Variants in EIF2AK1 observed in about 807,000 individuals in gnomAD.
EIF2AK1 encodes eukaryotic translation initiation factor 2 alpha kinase 1.
A neutral mutation model predicts 77.9 loss-of-function variants in EIF2AK1; 54 were observed. The ratio of observed to expected loss-of-function variants is 0.69; its 90% CI spans 0.56 to 0.87. The LOEUF is 0.87. Among genes scored for constraint, EIF2AK1 ranks in the 40% least tolerant of loss-of-function variants. The pLI, the probability that EIF2AK1 is intolerant of heterozygous loss-of-function variation, is 0.00. For synonymous variants in EIF2AK1, 314 were observed against 290.5 expected (o/e 1.08, Z -0.82); for missense variants, 810 against 768.6 (o/e 1.05, Z -0.64).
intron 11 of EIF2AK1, among the ~76,000 whole-genome samples, chr7:6,034,044 G>A (rs998226560): frequency 5.3e-5 from 8 of 151,368 alleles, no homozygotes; most frequent in South Asian, 2.1e-4. Context: ...TAGGCCGGGC[G>A]CGGTGGCTCA....
intron 4 of EIF2AK1, chr7:6,047,769 C>CACAGGTGTGATCCTGCTACTG (rs1352443398): frequency 5.8e-5 from 9 of 154,064 alleles, no homozygotes; most frequent in Non-Finnish European, 1.0e-4. Flanking sequence ...AGTGGCTATT[C>CACAGGTGTGATCCTGCTACTG]ACAGGTGTGA....
At chr7:6,056,941 G>A (rs1473354898) in intron 1 of EIF2AK1, among the ~76,000 whole-genome samples, 1 of 151,780 alleles carries the variant, frequency 6.6e-6, no homozygotes, top group Admixed American at 6.6e-5. Flanking sequence ...ATTTTCTTCT[G>A]TTAATAGCCT....
intron 1 of EIF2AK1, among the ~76,000 whole-genome samples, chr7:6,056,378 A>G (rs1788761518): frequency 6.7e-6 from 1 of 149,926 alleles, no homozygotes; most frequent in African/African-American, 2.5e-5. Flanking sequence ...CTGTATCACA[A>G]GGTCAGGAGT....
intron 4 of EIF2AK1, among the ~76,000 whole-genome samples, chr7:6,048,405 G>A (rs1006493325): frequency 6.6e-6 from 1 of 152,284 alleles, no homozygotes; most frequent in African/African-American, 2.4e-5. Flanking sequence ...GCATGAATCC[G>A]TACTTCATTC....
Position 6,032,814 on chromosome 7 carries a change from A to T in EIF2AK1, c.1333-3782T>A. 6.5e-7 allele frequency: 1 copy of T among 1,530,114 alleles called. No homozygotes were observed. The highest frequency in any genetic ancestry group is 8.9e-7 in the Non-Finnish European group (1 of 1,128,584). 94.8% of individuals were successfully genotyped at this position (1,530,114 alleles called of 1,614,324 possible). A position where few individuals can be genotyped will look rare whatever the true frequency, so the allele number is the denominator to read the frequency against. ...TTTTTAACTACACAGGGCCACTTGT[A>T]ATGTGTTTTGTTTTCCCTCCAAAGC... On this transcript the variant is annotated intron_variant, in intron 11 of 14. Coordinates refer to ENST00000199389, the MANE Select transcript of EIF2AK1 (RefSeq NM_014413.4). This position sits in a 1 kb window ranked among gnomAD's most constrained non-coding sequence, Gnocchi z 4.3.
intron 8 of EIF2AK1, among the ~76,000 whole-genome samples, chr7:6,042,544 C>T (rs1788328258): frequency 6.6e-6 from 1 of 151,708 alleles, no homozygotes; most frequent in African/African-American, 2.4e-5. Context: ...AAACACTCCT[C>T]CTGAGCTCCT....
Position 6,023,106 on chromosome 7 carries a change from T to A in EIF2AK1, c.*1567A>T. The A allele has an allele frequency of 1.6e-6, 1 of 623,444 alleles. No homozygotes were observed. The highest frequency in any genetic ancestry group is 2.6e-6 in the Non-Finnish European group (1 of 381,018). The allele number at this position is 623,444 out of a possible 1,614,324, so 38.6% of individuals were successfully genotyped here. A position where few individuals can be genotyped will look rare whatever the true frequency, so the allele number is the denominator to read the frequency against. ...CCAGGAATGACTCTTTGGTTACTTT[T>A]TTAACATAGTTTGCACTTAAACCCT... On this transcript the variant is annotated 3_prime_UTR_variant, in exon 15 of 15. Transcript: ENST00000199389.
intron 1 of EIF2AK1, 140 bp downstream of exon 1, chr7:6,058,826 C>A (rs1254747283): frequency 1.5e-6 from 1 of 669,376 alleles, no homozygotes; most frequent in Non-Finnish European, 2.3e-6. Context: ...CCTCGCACTG[C>A]GCGGCTGGGC....
rs1196017332 is a variant in EIF2AK1, at chr7:6,033,991, T to C, written c.1332+3433A>G. Among the ~76,000 whole-genome samples, 1 of 151,962 alleles carries C rather than the reference T, an allele frequency of 6.6e-6. No individual in the cohort carries two copies. The highest frequency in any genetic ancestry group is 1.5e-5 in the Non-Finnish European group (1 of 68,026). ...AAATCAATGCCTGACACTTAGCACG[T>C]GCTCAGTAATACTATCCGAGTGAAT... On this transcript the variant is annotated intron_variant, in intron 11 of 14. Transcript: ENST00000199389. The surrounding 1 kb of genome is among the most constrained non-coding windows in gnomAD (Gnocchi z 4.4).
chr7:6,046,886 C>T (rs878905729), intron 5 of EIF2AK1, 106 bp downstream of exon 5: 21 of 1,066,686 alleles, frequency 2.0e-5, no homozygotes, highest in South Asian at 1.8e-4. Context: ...GGCGACAGAG[C>T]GAGACTCCAT....
At position 6,054,438 on chromosome 7, in the gene EIF2AK1, G is replaced by A. The variant is rs1235604965; in HGVS notation, c.277+108C>T. The A allele has an allele frequency of 9.1e-6, 11 of 1,207,974 alleles. No individual in the cohort carries two copies. The African/African-American group carries it at 9.2e-5, about 10-fold the overall frequency. The allele number at this position is 1,207,974 out of a possible 1,614,324, so 74.8% of individuals were successfully genotyped here. A position where few individuals can be genotyped will look rare whatever the true frequency, so the allele number is the denominator to read the frequency against. On this transcript the variant is annotated intron_variant, in intron 2 of 14. Coordinates refer to ENST00000199389, the MANE Select transcript of EIF2AK1 (RefSeq NM_014413.4). ...AAACCGATCTCGATCTCCGGACCTCGGGTGATCCGCCCACCTCAGCCTCCC... is the reference window on the plus strand; with the variant it reads ...AAACCGATCTCGATCTCCGGACCTCAGGTGATCCGCCCACCTCAGCCTCCC...
At chr7:6,045,015 G>T (rs1417866633) in intron 6 of EIF2AK1, among the ~76,000 whole-genome samples, 2 of 151,968 alleles carry the variant, frequency 1.3e-5, no homozygotes, top group Non-Finnish European at 2.9e-5. Flanking sequence ...TTTATGATGG[G>T]TTTATCAGGA....
rs1787759285 is a variant in EIF2AK1 at position 6,026,789 on chromosome 7, G to A, written c.1703C>T (p.Ser568Leu). Residue 568 changes from serine to leucine, a missense_variant, in exon 14 of 15, where the codon TCA (serine) becomes TTA (leucine). Physicochemically the swap from Ser to Leu is moderately radical, Grantham distance 145 (BLOSUM62 -2). Transcript: ENST00000199389. The part of the protein sequence containing the change: ...KYIQHLTRRN[S>L]SQRPSAIQLL... ...CTGAATGGCAGATGGTCTCTGCGAT[G>A]AGTTCCTTCTCGTTAAGTGCTGGAT... is the stretch of plus-strand genomic sequence containing the variant. 4 of 1,614,102 alleles carry A rather than the reference G, an allele frequency of 2.5e-6. No homozygotes were observed. Among genetic ancestry groups the A allele is most frequent in the Non-Finnish European group, 3.4e-6 (4 of 1,180,048 alleles).
At chr7:6,043,166 A>G (rs1788345337) in intron 7 of EIF2AK1, among the ~76,000 whole-genome samples, 173 bp from the exon 8 acceptor site, 1 of 152,228 alleles carries the variant, frequency 6.6e-6, no homozygotes, top group Non-Finnish European at 1.5e-5. Context: ...AGGAACCGTA[A>G]AAACAAAGCC....
Position 6,023,776 on chromosome 7 carries a change from G to A in EIF2AK1, c.*897C>T, listed in dbSNP as rs763444661. ...TATCAGTAAGGGGACTTGTATTAGA[G>A]TCAGAGTCTTTTTATTTAGGCCAGT... On this transcript the variant is annotated 3_prime_UTR_variant, in exon 15 of 15. Transcript: ENST00000199389. The A allele has an allele frequency of 4.4e-6, 7 of 1,604,268 alleles. No individual in the cohort carries two copies. The highest frequency in any genetic ancestry group is 5.1e-6 in the Non-Finnish European group (6 of 1,174,416).
At chr7:6,051,255 G>A (rs889715113) in intron 2 of EIF2AK1, among the ~76,000 whole-genome samples, 1 of 151,500 alleles carries the variant, frequency 6.6e-6, no homozygotes, top group Admixed American at 6.6e-5. Context: ...ATACCAATGA[G>A]GACATTTTTT....
chr7:6,039,643 G>C lies in EIF2AK1; in HGVS notation c.1120-972C>G, dbSNP rs893014315. ...CTCCAAAAAAAAAAAAAAAAAAAAA[G>C]CACAGGCTTGGTAGGATGCAGTGGC... On this transcript the variant is annotated intron_variant, in intron 9 of 14. Coordinates refer to ENST00000199389, the MANE Select transcript of EIF2AK1 (RefSeq NM_014413.4). 2.0e-4 allele frequency among the ~76,000 whole-genome samples: 20 copies of C among 100,978 alleles called. No homozygotes were observed. The South Asian group carries it at 4.7e-3, about 24-fold the overall frequency. 66.2% of individuals were successfully genotyped at this position (100,978 alleles called of 152,430 possible).
chr7:6,035,464 C>T lies in EIF2AK1; in HGVS notation c.1332+1960G>A, dbSNP rs1363421437. 6.4e-7 allele frequency: 1 copy of T among 1,550,658 alleles called. No homozygotes were observed. The highest frequency in any genetic ancestry group is 8.7e-7 in the Non-Finnish European group (1 of 1,146,878). On this transcript the variant is annotated intron_variant, in intron 11 of 14. Transcript: ENST00000199389. This position sits in a 1 kb window ranked among gnomAD's most constrained non-coding sequence, Gnocchi z 5.5. ...TCTAGGGACACGACAGGCCTCACCA[C>T]ACTCAACTTAATGCTACTGCACTGG...
At chr7:6,037,892 A>C (rs1021554850) in intron 10 of EIF2AK1, among the ~76,000 whole-genome samples, 1 of 151,962 alleles carries the variant, frequency 6.6e-6, no homozygotes. Context: ...CTGGGATTTA[A>C]TGCTAATAAA....
Sources: gnomAD v4.1 joint callset for allele counts (sites outside exome capture counted in the v4.1 genomes callset) on GRCh38, gnomAD v4.1.1 for gene constraint, Gnocchi (gnomAD v3.1) non-coding constraint, MANE v1.5 for transcripts, NCBI Gene and HGNC (gene_info 2026-07-23, HGNC 2026-07-21) for gene names.